The following ACOT7 variants were observed in gnomAD, a reference collection of about 807,000 sequenced individuals.
ACOT7 encodes the protein acyl-CoA thioesterase 7.
ACOT7 carries 12 observed loss-of-function variants against 40.2 expected under a neutral mutation model. That is an observed-to-expected ratio of 0.30 (90% CI 0.19 to 0.48). The LOEUF (loss-of-function observed/expected upper bound fraction) is 0.48, where lower values mean the gene tolerates loss of function less well. Among genes scored for constraint, ACOT7 ranks in the 20% least tolerant of loss-of-function variants. ACOT7 has a pLI of 0.99. For synonymous variants in ACOT7, 228 were observed against 219.5 expected (o/e 1.04, Z -0.34); for missense variants, 395 against 530.8 (o/e 0.74, Z 2.51).
At chr1:6,305,388 C>A (rs538717809) in intron 6 of ACOT7, among the ~76,000 whole-genome samples, 1 of 149,568 alleles carries the variant, frequency 6.7e-6, no homozygotes, top group Non-Finnish European at 1.5e-5. Flanking sequence ...GACCCCCCCA[C>A]CTCCCTCCCA....
rs1457231624 is a variant in ACOT7, at chr1:6,331,447, C to T, written c.510+2030G>A. On this transcript the variant is annotated intron_variant, in intron 4 of 8. Transcript: ENST00000361521. ...CGCTGGAGACGCCAGGAGGGATCCTCGCCTGGGGCCAATGGAGGGCGCAGG... is the reference window on the plus strand; with the variant it reads ...CGCTGGAGACGCCAGGAGGGATCCTTGCCTGGGGCCAATGGAGGGCGCAGG... Among the ~76,000 whole-genome samples the T allele has an allele frequency of 2.6e-5, 4 of 152,352 alleles. No individual in the cohort carries two copies. In the East Asian group the frequency reaches 7.7e-4, roughly 29 times the overall value.
intron 7 of ACOT7, among the ~76,000 whole-genome samples, chr1:6,290,882 T>G (rs1639642807): frequency 6.6e-6 from 1 of 152,216 alleles, no homozygotes; most frequent in Non-Finnish European, 1.5e-5. Context: ...GCTGTATGAC[T>G]GCTCTTCTCA....
intron 2 of ACOT7, among the ~76,000 whole-genome samples, chr1:6,349,452 C>G (rs1641523999): frequency 6.6e-6 from 1 of 152,250 alleles, no homozygotes; most frequent in Non-Finnish European, 1.5e-5. Flanking sequence ...GGGCATGCTT[C>G]TGATCAGGGC....
chr1:6,266,836 G>A (rs1368453172), intron 8 of ACOT7, among the ~76,000 whole-genome samples: 1 of 152,274 alleles, frequency 6.6e-6, no homozygotes, highest in Non-Finnish European at 1.5e-5. Flanking sequence ...CTGTAGGGTG[G>A]GCATGGGGTC....
At position 6,288,984 on chromosome 1, in the gene ACOT7, G is replaced by A. The variant is rs61760847; in HGVS notation, c.829+5880C>T. ...GCATAAAAGGTCACTCTCCCAAGGAGGCAGTTTTACGGGAGGCTGAAGGAG... is the reference window on the plus strand; with the variant it reads ...GCATAAAAGGTCACTCTCCCAAGGAAGCAGTTTTACGGGAGGCTGAAGGAG... On this transcript the variant is annotated intron_variant, in intron 7 of 8. Coordinates refer to ENST00000361521, the MANE Select transcript of ACOT7 (RefSeq NM_007274.4). This position sits in a 1 kb window ranked among gnomAD's most constrained non-coding sequence, Gnocchi z 4.3. Among the ~76,000 whole-genome samples, 12,431 of 152,282 alleles carry A rather than the reference G, an allele frequency of 0.082. 832 individuals are homozygous for A. Among genetic ancestry groups the A allele is most frequent in the African/African-American group, 0.17 (7,256 of 41,538 alleles).
At chr1:6,325,701 A>G (rs1405135891) in intron 5 of ACOT7, among the ~76,000 whole-genome samples, 4 of 152,034 alleles carry the variant, frequency 2.6e-5, no homozygotes, top group Non-Finnish European at 5.9e-5. Context: ...CCTCAAGTTG[A>G]CCCGCCCAGA....
chr1:6,376,091 T>C (rs765858719), intron 1 of ACOT7, among the ~76,000 whole-genome samples: 3 of 150,650 alleles, frequency 2.0e-5, no homozygotes, highest in Non-Finnish European at 4.4e-5. Context: ...CCTGTCTCTA[T>C]TAAAAGTACA....
chr1:6,325,679 C>CTCCT (rs1355035820), intron 5 of ACOT7, among the ~76,000 whole-genome samples: 4 of 152,148 alleles, frequency 2.6e-5, no homozygotes, highest in Non-Finnish European at 5.9e-5. Flanking sequence ...TACACACAAA[C>CTCCT]TCCTGTTCAA....
intron 1 of ACOT7, among the ~76,000 whole-genome samples, chr1:6,386,307 G>T (rs1268770285): frequency 6.6e-6 from 1 of 152,192 alleles, no homozygotes; most frequent in Non-Finnish European, 1.5e-5. Context: ...CAGTAGCTCT[G>T]GGGTGGAGGC....
rs1471777571 is a variant in ACOT7, at chr1:6,330,854, C to T, written c.510+2623G>A. 6.6e-6 allele frequency among the ~76,000 whole-genome samples: 1 copy of T among 152,206 alleles called. No individual in the cohort carries two copies. The highest frequency in any genetic ancestry group is 1.5e-5 in the Non-Finnish European group (1 of 68,034). On this transcript the variant is annotated intron_variant, in intron 4 of 8. Coordinates refer to ENST00000361521, the MANE Select transcript of ACOT7 (RefSeq NM_007274.4). This position sits in a 1 kb window ranked among gnomAD's most constrained non-coding sequence, Gnocchi z 4.6. ...CTCGGTATCACCCGCCTGAGATGCA[C>T]CATCAGATGCTGAAGCCAGGCATGG... is the stretch of plus-strand genomic sequence containing the variant.
At chr1:6,390,171 C>T (rs570396624) in intron 1 of ACOT7, among the ~76,000 whole-genome samples, 34 of 152,214 alleles carry the variant, frequency 2.2e-4, no homozygotes, top group Non-Finnish European at 4.3e-4. Flanking sequence ...CCCGCCTACT[C>T]CTTTGGCAGT....
At chr1:6,387,210 C>T (rs929791655) in intron 1 of ACOT7, among the ~76,000 whole-genome samples, 2 of 151,880 alleles carry the variant, frequency 1.3e-5, no homozygotes, top group Non-Finnish European at 2.9e-5. Context: ...TGGAAATATT[C>T]GACATCACAA....
At position 6,299,588 on chromosome 1, in the gene ACOT7, G is replaced by A. The variant is rs1198890512; in HGVS notation, c.713-4608C>T. On this transcript the variant is annotated intron_variant, in intron 6 of 8. Transcript: ENST00000361521. This position sits in a 1 kb window ranked among gnomAD's most constrained non-coding sequence, Gnocchi z 4.1. ...CCCCTTACCGGACGCCACACACAGAGGGCAGAGAGGCCCACCCGGCCACCT... is the reference window on the plus strand; with the variant it reads ...CCCCTTACCGGACGCCACACACAGAAGGCAGAGAGGCCCACCCGGCCACCT... Among the ~76,000 whole-genome samples the A allele has an allele frequency of 6.6e-6, 1 of 152,126 alleles. No individual in the cohort carries two copies. The highest frequency in any genetic ancestry group is 1.5e-5 in the Non-Finnish European group (1 of 68,028).
chr1:6,270,340 G>A (rs1638992948), intron 8 of ACOT7, among the ~76,000 whole-genome samples: 1 of 152,216 alleles, frequency 6.6e-6, no homozygotes, highest in Admixed American at 6.5e-5. Flanking sequence ...CGCTCTGCGG[G>A]AAGACAGATG....
At position 6,300,380 on chromosome 1, in the gene ACOT7, G is replaced by A. The variant is rs552611242; in HGVS notation, c.713-5400C>T. Reference sequence around the variant, plus strand: ...CCCAGCATGTCACATAGAGGAACTCGGCTGCAAAGTCAGTGCCATGAGCCG... The same window carrying A: ...CCCAGCATGTCACATAGAGGAACTCAGCTGCAAAGTCAGTGCCATGAGCCG... On this transcript the variant is annotated intron_variant, in intron 6 of 8. Coordinates refer to ENST00000361521, the MANE Select transcript of ACOT7 (RefSeq NM_007274.4). Among the ~76,000 whole-genome samples, 5 of 152,280 alleles carry A rather than the reference G, an allele frequency of 3.3e-5. No individual in the cohort carries two copies. The East Asian group carries it at 5.8e-4, about 18-fold the overall frequency.
chr1:6,372,436 C>A (rs114896381), intron 1 of ACOT7, among the ~76,000 whole-genome samples: 9 of 152,230 alleles, frequency 5.9e-5, no homozygotes, highest in African/African-American at 2.2e-4. Context: ...TAATTTCCTT[C>A]GAAGGACTTT....
chr1:6,348,945 G>T (rs964501469), intron 2 of ACOT7, among the ~76,000 whole-genome samples: 5 of 152,204 alleles, frequency 3.3e-5, no homozygotes, highest in Middle Eastern at 3.2e-3. Context: ...CCAAGCTGGG[G>T]CTGAGTCTTC....
At chr1:6,303,361 T>C (rs1308007321) in intron 6 of ACOT7, among the ~76,000 whole-genome samples, 2 of 152,248 alleles carry the variant, frequency 1.3e-5, no homozygotes, top group Non-Finnish European at 2.9e-5. Flanking sequence ...CACTAATGTA[T>C]ACACGTTAGG....
intron 4 of ACOT7, among the ~76,000 whole-genome samples, chr1:6,328,758 G>A (rs1640875551): frequency 1.3e-5 from 2 of 152,226 alleles, no homozygotes; most frequent in African/African-American, 2.4e-5. Context: ...GGACACAGCA[G>A]GGGGATACTG....
Sources: allele counts gnomAD v4.1 joint callset (sites outside exome capture counted in the v4.1 genomes callset), GRCh38; gene constraint gnomAD v4.1.1; non-coding constraint Gnocchi (gnomAD v3.1); transcripts MANE v1.5; gene names NCBI Gene and HGNC (gene_info 2026-07-23, HGNC 2026-07-21).